The following RIMS1 variants were observed in gnomAD, a reference collection of about 807,000 sequenced individuals.
The protein encoded by RIMS1 is regulating synaptic membrane exocytosis 1, also known as regulating synaptic membrane exocytosis protein 1.
In RIMS1, 83 loss-of-function variants were observed where a neutral mutation model predicts 214.1. The ratio of observed to expected loss-of-function variants is 0.39; its 90% CI spans 0.32 to 0.47. The LOEUF (loss-of-function observed/expected upper bound fraction) is 0.47, where lower values mean the gene tolerates loss of function less well. RIMS1 is among the 20% of genes least tolerant of loss of function. RIMS1 has a pLI of 0.99. For missense variants in RIMS1, 2,050 were observed against 2,161.8 expected (o/e 0.95, Z 1.03); for synonymous variants, 793 against 786.8 (o/e 1.01, Z -0.13).
rs2096739642 is a variant in RIMS1 at position 72,333,475 on chromosome 6, C to T, written c.4131-125C>T. The T allele has an allele frequency of 4.2e-6, 3 of 717,174 alleles. No homozygotes were observed. The South Asian group carries it at 5.4e-5, about 13-fold the overall frequency. The allele number at this position is 717,174 out of a possible 1,614,324, so 44.4% of individuals were successfully genotyped here. A position where few individuals can be genotyped will look rare whatever the true frequency, so the allele number is the denominator to read the frequency against. On this transcript the variant is annotated intron_variant, in intron 28 of 33. Transcript: ENST00000521978. ...TAAAGTATTTGTAGGTATAGATCCACTACTCAACTGCATTTTCTCCCTAAA... is the reference window on the plus strand; with the variant it reads ...TAAAGTATTTGTAGGTATAGATCCATTACTCAACTGCATTTTCTCCCTAAA...
intron 19 of RIMS1, chr6:72,262,725 A>C (rs970045775): frequency 4.8e-5 from 37 of 769,262 alleles, no homozygotes; most frequent in Non-Finnish European, 5.5e-5. Flanking sequence ...ATATATCAAT[A>C]ATATAGTTTG....
rs369460716 is a variant in RIMS1, at chr6:72,385,231, G to A, written c.4367-5367G>A. Among the ~76,000 whole-genome samples the A allele has an allele frequency of 9.5e-4, 145 of 152,090 alleles. 1 individual carries two copies. Among genetic ancestry groups the A allele is most frequent in the African/African-American group, 3.4e-3 (141 of 41,506 alleles). On this transcript the variant is annotated intron_variant, in intron 29 of 33. Coordinates refer to ENST00000521978, the MANE Select transcript of RIMS1 (RefSeq NM_014989.7). ...TCAATGGATACAAATAATTAATAAC[G>A]ATGGCATTCCTAAAAGCATAAAAGC...
chr6:72,023,693 C>T (rs1815432938), intron 2 of RIMS1, among the ~76,000 whole-genome samples: 1 of 151,988 alleles, frequency 6.6e-6, no homozygotes, highest in South Asian at 2.1e-4. Flanking sequence ...TTGGATTAGA[C>T]AGAATTGTTA....
intron 28 of RIMS1, among the ~76,000 whole-genome samples, chr6:72,327,039 C>G (rs1051170657): frequency 6.6e-6 from 1 of 151,692 alleles, no homozygotes; most frequent in African/African-American, 2.4e-5. Flanking sequence ...AACATATTCT[C>G]CCCTAAAGCC....
intron 29 of RIMS1, among the ~76,000 whole-genome samples, chr6:72,381,210 C>T (rs1342729496): frequency 6.6e-6 from 1 of 152,014 alleles, no homozygotes; most frequent in Non-Finnish European, 1.5e-5. Flanking sequence ...TGCCGGTGGC[C>T]CCTGGTGTCT....
At chr6:72,212,834 C>T in intron 6 of RIMS1, 1 of 1,086,452 alleles carries the variant, frequency 9.2e-7, no homozygotes, top group Non-Finnish European at 1.1e-6. Flanking sequence ...AGTCCCCACA[C>T]CACCAGGCCC....
intron 4 of RIMS1, among the ~76,000 whole-genome samples, chr6:72,136,776 A>G (rs982810714): frequency 1.4e-4 from 21 of 152,274 alleles, no homozygotes; most frequent in African/African-American, 4.8e-4. Flanking sequence ...ATATGATTAA[A>G]TCAATAAATG....
intron 29 of RIMS1, among the ~76,000 whole-genome samples, chr6:72,341,685 A>G (rs2097098764): frequency 6.6e-6 from 1 of 151,834 alleles, no homozygotes; most frequent in Non-Finnish European, 1.5e-5. Context: ...AAAGTGAAAA[A>G]ACATAAAGTA....
At chr6:72,036,465 A>G (rs1819645884) in intron 2 of RIMS1, among the ~76,000 whole-genome samples, 1 of 152,162 alleles carries the variant, frequency 6.6e-6, no homozygotes, top group South Asian at 2.1e-4. Flanking sequence ...GGAGATACAA[A>G]GACAAGTAAG....
Position 72,264,968 on chromosome 6 carries a change from G to A in RIMS1, c.3117-7G>A, listed in dbSNP as rs202107254. The A allele has an allele frequency of 7.8e-5, 122 of 1,571,258 alleles. No individual in the cohort carries two copies. The African/African-American group carries it at 1.3e-3, about 16-fold the overall frequency. On this transcript the variant is annotated splice_polypyrimidine_tract_variant and splice_region_variant and intron_variant, in intron 19 of 33. Transcript: ENST00000521978. ...GTTTCCTGCGTGTTTGTGTTGCTAC[G>A]TTCCAGACATCTTGTTAGGCACTAT...
chr6:72,353,083 C>T (rs552840064), intron 29 of RIMS1, among the ~76,000 whole-genome samples: 4 of 150,176 alleles, frequency 2.7e-5, no homozygotes, highest in Admixed American at 6.7e-5. Flanking sequence ...TTCCGTCTCC[C>T]GGGTTCAAGT....
At chr6:71,984,292 G>T (rs1799266810) in intron 2 of RIMS1, among the ~76,000 whole-genome samples, 1 of 152,084 alleles carries the variant, frequency 6.6e-6, no homozygotes, top group Non-Finnish European at 1.5e-5. Context: ...GGGAAGTAAA[G>T]GTTGTGGACA....
intron 2 of RIMS1, among the ~76,000 whole-genome samples, chr6:72,018,991 TGATTA>T (rs917295195): frequency 2.0e-5 from 3 of 152,158 alleles, no homozygotes; most frequent in Non-Finnish European, 4.4e-5. Flanking sequence ...ATGACCTGCT[TGATTA>T]GATAAGAAAT....
At chr6:72,170,274 T>C (rs914513509) in intron 4 of RIMS1, among the ~76,000 whole-genome samples, 2 of 152,222 alleles carry the variant, frequency 1.3e-5, no homozygotes, top group Non-Finnish European at 2.9e-5. Context: ...CAATGCCTTT[T>C]CTTTTGCATT....
intron 1 of RIMS1, among the ~76,000 whole-genome samples, chr6:71,890,523 C>T (rs746896409): frequency 1.7e-5 from 2 of 118,636 alleles, no homozygotes; most frequent in Non-Finnish European, 3.4e-5. Flanking sequence ...TATCTGGGAC[C>T]TAAATCAGAG....
At chr6:71,937,238 T>C (rs915655093) in intron 1 of RIMS1, among the ~76,000 whole-genome samples, 1 of 152,196 alleles carries the variant, frequency 6.6e-6, no homozygotes, top group Non-Finnish European at 1.5e-5. Context: ...CTTATAGTTC[T>C]GTAGATGGAA....
chr6:72,106,520 C>A (rs2034772934), intron 4 of RIMS1, among the ~76,000 whole-genome samples: 1 of 152,192 alleles, frequency 6.6e-6, no homozygotes, highest in South Asian at 2.1e-4. Flanking sequence ...ACAAGCTAAA[C>A]CAGGAATGAC....
chr6:72,126,338 A>G (rs1351501260), intron 4 of RIMS1, among the ~76,000 whole-genome samples: 1 of 152,342 alleles, frequency 6.6e-6, no homozygotes, highest in East Asian at 1.9e-4. Flanking sequence ...AACATTGGAA[A>G]AACTCTTCTA....
Position 72,345,448 on chromosome 6 carries a change from A to G in RIMS1, c.4366+11613A>G, listed in dbSNP as rs1331756856. Among the ~76,000 whole-genome samples the G allele has an allele frequency of 2.0e-5, 3 of 151,680 alleles. No individual in the cohort carries two copies. In the East Asian group the frequency reaches 5.8e-4, roughly 29 times the overall value. On this transcript the variant is annotated intron_variant, in intron 29 of 33. Transcript: ENST00000521978. Reference sequence around the variant, plus strand: ...CATGTGTTAATTCCTTCAATTCACAAAAAACAGCCATGAAATACTCTTATT... The same window carrying G: ...CATGTGTTAATTCCTTCAATTCACAGAAAACAGCCATGAAATACTCTTATT...
Sources: allele counts gnomAD v4.1 joint callset (sites outside exome capture counted in the v4.1 genomes callset), GRCh38; gene constraint gnomAD v4.1.1; transcripts MANE v1.5; gene names NCBI Gene and HGNC (gene_info 2026-07-23, HGNC 2026-07-21).